Variants in COL4A4 observed in about 807,000 individuals in gnomAD.
The protein encoded by COL4A4 is collagen type IV alpha 4 chain, also known as collagen alpha-4(IV) chain.
A neutral mutation model predicts 192.9 loss-of-function variants in COL4A4; 105 were observed. That is an observed-to-expected ratio of 0.54 (90% CI 0.46 to 0.64). The LOEUF is 0.64. Among genes scored for constraint, COL4A4 ranks in the 30% least tolerant of loss-of-function variants. COL4A4 has a pLI of 0.00. For missense variants in COL4A4, 1,967 were observed against 2,169.3 expected, an observed-to-expected ratio of 0.91 and a Z score of 1.85; for synonymous variants, 762 against 769.9, an observed-to-expected ratio of 0.99 and a Z score of 0.17.
intron 7 of COL4A4, among the ~76,000 whole-genome samples, chr2:227,115,792 T>A (rs2061461808): frequency 2.6e-5 from 4 of 152,220 alleles, no homozygotes; most frequent in African/African-American, 9.6e-5. Flanking sequence ...AGTTTTGGCT[T>A]TGCACAGTTC....
rs1449556560 is a variant in COL4A4, at chr2:227,133,318, T to C, written c.192+6843A>G. On this transcript the variant is annotated intron_variant, in intron 4 of 47. Transcript: ENST00000396625. ...GGAGAGTCTTGTTATGTTAGCTCTA[T>C]ACGTAGACTCGGTCTGTTTGGAAAA... is the stretch of plus-strand genomic sequence containing the variant. Among the ~76,000 whole-genome samples the C allele has an allele frequency of 2.6e-5, 4 of 152,220 alleles. 1 individual carries two copies. Among genetic ancestry groups the C allele is most frequent in the Non-Finnish European group, 5.9e-5 (4 of 68,046 alleles).
chr2:227,098,739 G>A lies in COL4A4; in HGVS notation c.1159C>T (p.Pro387Ser), dbSNP rs1351733260. 1.2e-6 allele frequency: 2 copies of A among 1,614,114 alleles called. No homozygotes were observed. The highest frequency in any genetic ancestry group is 1.7e-6 in the Non-Finnish European group (2 of 1,179,988). Residue 387 changes from proline to serine, a missense_variant, in exon 19 of 48, where the codon CCT becomes TCT. By Grantham distance (74) the Pro-to-Ser change is moderately conservative. Transcript: ENST00000396625. ...RYGETGDVGPPGPPGLLGRPG... is the reference protein window; with the variant it reads ...RYGETGDVGPSGPPGLLGRPG... ...CTGCCCAAGAGACCTGGGGGACCAG[G>A]TGGTCCAACATCCCCTGTTTCTCCA... is the stretch of plus-strand genomic sequence containing the variant.
rs573386066 is a variant in COL4A4 at position 227,079,262 on chromosome 2, C to T, written c.1803+1181G>A. Among the ~76,000 whole-genome samples, 14 of 152,304 alleles carry T rather than the reference C, an allele frequency of 9.2e-5. No homozygotes were observed. In the South Asian group the frequency reaches 2.1e-3, roughly 23 times the overall value. On this transcript the variant is annotated intron_variant, in intron 24 of 47. Transcript: ENST00000396625. The stretch of plus-strand genomic sequence containing the variant: ...GTCTTATGGATCTGGATTGTTTCAA[C>T]GAATCTAGGAAGACCTCAGCGAACG...
At chr2:227,049,642 C>T (rs1318606239) in intron 34 of COL4A4, among the ~76,000 whole-genome samples, 1 of 152,274 alleles carries the variant, frequency 6.6e-6, no homozygotes, top group Non-Finnish European at 1.5e-5. Flanking sequence ...TGGCTTTAGC[C>T]TCTATGTCCT....
At chr2:227,085,243 C>T (rs1273239592) in intron 22 of COL4A4, among the ~76,000 whole-genome samples, 1 of 152,096 alleles carries the variant, frequency 6.6e-6, no homozygotes, top group African/African-American at 2.4e-5. Context: ...ACAGGGGTGG[C>T]GCCTGTCCAG....
At chr2:227,099,824 A>G in intron 17 of COL4A4, 135 bp from the exon 18 acceptor site, 1 of 777,240 alleles carries the variant, frequency 1.3e-6, no homozygotes, top group Non-Finnish European at 2.2e-6. Context: ...AGAGAAATGA[A>G]GCATCCATGG....
intron 1 of COL4A4, among the ~76,000 whole-genome samples, chr2:227,154,048 A>G (rs2125470920): frequency 6.6e-6 from 1 of 152,302 alleles, no homozygotes; most frequent in East Asian, 1.9e-4. Context: ...GAAATGGAAC[A>G]TAAGCACCCT....
intron 37 of COL4A4, among the ~76,000 whole-genome samples, chr2:227,034,901 A>AT (rs1204316664): frequency 2.0e-5 from 3 of 150,700 alleles, no homozygotes; most frequent in Non-Finnish European, 3.0e-5. Context: ...TGAACTCATC[A>AT]TTTTTTATGG....
intron 1 of COL4A4, among the ~76,000 whole-genome samples, chr2:227,153,103 T>C (rs2064076131): frequency 6.6e-6 from 1 of 152,148 alleles, no homozygotes; most frequent in Non-Finnish European, 1.5e-5. Flanking sequence ...AAATCCCTTA[T>C]AAAATCACCA....
chr2:226,986,106 C>T, the COL4A4 span, among the ~76,000 whole-genome samples: 1 of 152,196 alleles, frequency 6.6e-6, no homozygotes, highest in African/African-American at 2.4e-5. Flanking sequence ...ACCATGAGGA[C>T]AAATAGCAGA....
chr2:226,968,173 T>C, the COL4A4 span, among the ~76,000 whole-genome samples: 1 of 152,160 alleles, frequency 6.6e-6, no homozygotes, highest in Non-Finnish European at 1.5e-5. Flanking sequence ...CTGGAAATGA[T>C]ATAAGAGTTG....
chr2:227,059,760 A>G, intron 27 of COL4A4, 137 bp from the exon 28 acceptor site: 1 of 746,024 alleles, frequency 1.3e-6, no homozygotes, highest in Non-Finnish European at 2.3e-6. Flanking sequence ...GTTTAACAGT[A>G]ATGTTGTTTT....
intron 12 of COL4A4, among the ~76,000 whole-genome samples, chr2:227,106,121 TTTTG>T (rs2060826641): frequency 9.9e-6 from 1 of 101,012 alleles, no homozygotes; most frequent in Non-Finnish European, 2.5e-5. Context: ...ACATTGTCTG[TTTTG>T]TTTTTTTTTC....
intron 4 of COL4A4, among the ~76,000 whole-genome samples, chr2:227,132,271 C>T (rs1164216976): frequency 6.6e-6 from 1 of 151,984 alleles, no homozygotes; most frequent in South Asian, 2.1e-4. Flanking sequence ...CAGTGCCTGG[C>T]GCTCCTCAGG....
At chr2:227,128,735 T>C (rs1365782769) in intron 4 of COL4A4, among the ~76,000 whole-genome samples, 2 of 152,158 alleles carry the variant, frequency 1.3e-5, no homozygotes, top group African/African-American at 2.4e-5. Context: ...ACCTGGCCCA[T>C]GGTCTTGTCA....
At chr2:227,050,891 A>G in intron 33 of COL4A4, 86 bp downstream of exon 33, 1 of 1,513,542 alleles carries the variant, frequency 6.6e-7, no homozygotes, top group Non-Finnish European at 9.2e-7. Flanking sequence ...AATGGTATAT[A>G]CGCTGGCAAA....
At chr2:227,045,270 A>G (rs1395503546) in intron 35 of COL4A4, among the ~76,000 whole-genome samples, 1 of 152,168 alleles carries the variant, frequency 6.6e-6, no homozygotes, top group Admixed American at 6.5e-5. Context: ...GCCAGTTTAC[A>G]GGTGAGGCAA....
chr2:227,000,742 C>T (rs977117059), downstream of COL4A4, among the ~76,000 whole-genome samples: 1 of 151,664 alleles, frequency 6.6e-6, no homozygotes, highest in African/African-American at 2.4e-5. Context: ...GTGTCCCCAC[C>T]CAAATCTCAT....
chr2:227,140,017 A>G, intron 4 of COL4A4, 144 bp downstream of exon 4: 1 of 719,436 alleles, frequency 1.4e-6, no homozygotes, highest in Non-Finnish European at 2.5e-6. Context: ...GATTGCTATT[A>G]GAATGTGAAA....
Sources: allele counts gnomAD v4.1 joint callset (sites outside exome capture counted in the v4.1 genomes callset), GRCh38; gene constraint gnomAD v4.1.1; transcripts MANE v1.5; gene names NCBI Gene and HGNC (gene_info 2026-07-23, HGNC 2026-07-21).